The following RAB3C variants were observed in gnomAD, a reference collection of about 807,000 sequenced individuals.
The protein encoded by RAB3C is RAB3C, member RAS oncogene family, also known as ras-related protein Rab-3C.
In RAB3C, 17 loss-of-function variants were observed where a neutral mutation model predicts 26.4. That is an observed-to-expected ratio of 0.64 (90% CI 0.44 to 0.97). The LOEUF (loss-of-function observed/expected upper bound fraction) is 0.97. Among genes scored for constraint, RAB3C ranks in the 50% least tolerant of loss-of-function variants. The pLI, the probability that RAB3C is intolerant of heterozygous loss-of-function variation, is 0.00. For synonymous variants in RAB3C, 91 were observed against 95.9 expected (o/e 0.95, Z 0.30); for missense variants, 242 against 281.9 (o/e 0.86, Z 1.01).
chr5:58,735,006 T>C (rs1741104166), intron 3 of RAB3C, among the ~76,000 whole-genome samples: 1 of 152,216 alleles, frequency 6.6e-6, no homozygotes. Flanking sequence ...ATATATACAG[T>C]TGATTCATTA....
At chr5:58,734,749 C>T (rs937535880) in intron 3 of RAB3C, among the ~76,000 whole-genome samples, 1 of 152,154 alleles carries the variant, frequency 6.6e-6, no homozygotes, top group Non-Finnish European at 1.5e-5. Context: ...TTTTCTCAGA[C>T]TGCACACCCA....
intron 2 of RAB3C, among the ~76,000 whole-genome samples, chr5:58,658,149 A>C (rs1747820983): frequency 6.6e-6 from 1 of 152,244 alleles, no homozygotes. Context: ...CAATTTGCCT[A>C]TATCGGGTCA....
At chr5:58,659,279 A>G (rs114868468) in intron 2 of RAB3C, among the ~76,000 whole-genome samples, 182 of 152,270 alleles carry the variant, frequency 1.2e-3, no homozygotes, top group African/African-American at 4.3e-3. Flanking sequence ...TTTATTTCAA[A>G]TTTTAAAATA....
At chr5:58,726,226 C>T (rs1486883355) in intron 3 of RAB3C, 106 bp downstream of exon 3, 5 of 562,486 alleles carry the variant, frequency 8.9e-6, no homozygotes, top group African/African-American at 7.7e-5. Flanking sequence ...TATGTGTTTA[C>T]ATTACACTAC....
chr5:58,689,008 A>T (rs1447950652), intron 2 of RAB3C, among the ~76,000 whole-genome samples: 2 of 152,126 alleles, frequency 1.3e-5, no homozygotes, highest in Non-Finnish European at 2.9e-5. Flanking sequence ...GCCAGGTATT[A>T]GGCTAAGCAT....
At chr5:58,723,682 G>A (rs540685547) in intron 2 of RAB3C, among the ~76,000 whole-genome samples, 1 of 151,736 alleles carries the variant, frequency 6.6e-6, no homozygotes, top group South Asian at 2.1e-4. Context: ...CTTATGAGAC[G>A]TTAATTTCAT....
intron 3 of RAB3C, among the ~76,000 whole-genome samples, chr5:58,788,091 TTA>T (rs1742432908): frequency 6.6e-6 from 1 of 152,228 alleles, no homozygotes; most frequent in Admixed American, 6.5e-5. Context: ...AGTTCACTGT[TTA>T]TTTCTTCACC....
chr5:58,784,771 A>G (rs1579916953), intron 3 of RAB3C: 2 of 152,218 alleles, frequency 1.3e-5, no homozygotes, highest in South Asian at 2.1e-4. Context: ...AAAAGAGTCA[A>G]TGAGCTTTTC....
chr5:58,669,633 T>A (rs1748072077), intron 2 of RAB3C, among the ~76,000 whole-genome samples: 2 of 152,166 alleles, frequency 1.3e-5, no homozygotes, highest in Non-Finnish European at 2.9e-5. Context: ...AGTAACTCGT[T>A]TTTAAATTTG....
rs748906792 is a variant in RAB3C at position 58,617,625 on chromosome 5, G to A, written c.25-18G>A. On this transcript the variant is annotated intron_variant, in intron 1 of 4. Transcript: ENST00000282878. ...TCTACACCTATTTTGTTTTTGTTTT[G>A]TTTTGTTTTTATCACAGATGGCCTC... is the stretch of plus-strand genomic sequence containing the variant. 6.3e-7 allele frequency: 1 copy of A among 1,595,584 alleles called. No individual in the cohort carries two copies. Among genetic ancestry groups the A allele is most frequent in the South Asian group, 1.1e-5 (1 of 90,742 alleles).
Position 58,797,359 on chromosome 5 carries a change from TATATATATA to T in RAB3C, c.372-27669_372-27661del, listed in dbSNP as rs1448106386. Reference sequence around the variant, plus strand: ...GAAGACAAAAAAAAAAAAAAATATGTATATATATAATATATATATATATATATATATATA... The same window carrying T: ...GAAGACAAAAAAAAAAAAAAATATGTATATATATATATATATATATATATA... On this transcript the variant is annotated intron_variant, in intron 3 of 4. Transcript: ENST00000282878. 4.7e-3 allele frequency among the ~76,000 whole-genome samples: 80 copies of T among 17,094 alleles called. 8 individuals carry two copies. In the African/African-American group the frequency reaches 0.049, roughly 11 times the overall value. 11.2% of individuals were successfully genotyped at this position (17,094 alleles called of 152,430 possible). A position where few individuals can be genotyped will look rare whatever the true frequency, so the allele number is the denominator to read the frequency against.
intron 3 of RAB3C, among the ~76,000 whole-genome samples, chr5:58,752,976 T>G (rs1476214555): frequency 6.6e-6 from 1 of 151,928 alleles, no homozygotes; most frequent in Non-Finnish European, 1.5e-5. Flanking sequence ...CCAGGCAGGG[T>G]CAATTTTAGC....
At chr5:58,832,359 A>G (rs1743631335) in intron 4 of RAB3C, among the ~76,000 whole-genome samples, 4 of 152,216 alleles carry the variant, frequency 2.6e-5, no homozygotes, top group Admixed American at 2.6e-4. Context: ...CTTAAACTAC[A>G]GTGGGGTCAC....
intron 3 of RAB3C, among the ~76,000 whole-genome samples, chr5:58,754,363 TGA>T (rs1004679615): frequency 3.3e-5 from 5 of 152,062 alleles, no homozygotes; most frequent in African/African-American, 1.2e-4. Flanking sequence ...CTTTGGGGGC[TGA>T]GTCTTGTTTT....
chr5:58,774,173 T>A (rs1179228819), intron 3 of RAB3C, among the ~76,000 whole-genome samples: 1 of 152,132 alleles, frequency 6.6e-6, no homozygotes, highest in Non-Finnish European at 1.5e-5. Context: ...AATGAATAAA[T>A]TAATTCACTC....
intron 2 of RAB3C, among the ~76,000 whole-genome samples, chr5:58,660,161 A>G (rs1021801975): frequency 6.7e-6 from 1 of 150,284 alleles, no homozygotes; most frequent in Non-Finnish European, 1.5e-5. Context: ...AACAAAACAA[A>G]GCAAACAAAC....
chr5:58,766,061 G>A (rs292960), intron 3 of RAB3C, among the ~76,000 whole-genome samples: 32,464 of 151,720 alleles, frequency 0.21, 3,631 homozygotes, highest in East Asian at 0.32. Context: ...TTGCTGTATG[G>A]CTTGTGGAAC....
At chr5:58,799,690 G>A (rs895850096) in intron 3 of RAB3C, among the ~76,000 whole-genome samples, 1 of 152,120 alleles carries the variant, frequency 6.6e-6, no homozygotes, top group South Asian at 2.1e-4. Flanking sequence ...AAGGAGAAAG[G>A]CACTTCCCTC....
chr5:58,836,743 A>C (rs913214914), intron 4 of RAB3C, among the ~76,000 whole-genome samples: 9 of 152,146 alleles, frequency 5.9e-5, no homozygotes, highest in African/African-American at 2.2e-4. Flanking sequence ...GGCATATTTC[A>C]TTGTGTATAT....
Sources: allele counts gnomAD v4.1 joint callset (sites outside exome capture counted in the v4.1 genomes callset), GRCh38; gene constraint gnomAD v4.1.1; transcripts MANE v1.5; gene names NCBI Gene and HGNC (gene_info 2026-07-23, HGNC 2026-07-21).